Variants in PCDHGB4 observed in about 807,000 individuals in gnomAD.
The protein encoded by PCDHGB4 is protocadherin gamma subfamily B, 4, also known as protocadherin gamma-B4.
In PCDHGB4, 38 loss-of-function variants were observed where a neutral mutation model predicts 60.5. The ratio of observed to expected loss-of-function variants is 0.63; its 90% CI spans 0.48 to 0.82. The LOEUF (loss-of-function observed/expected upper bound fraction) is 0.82, where lower values mean the gene tolerates loss of function less well. PCDHGB4 is among the 40% of genes least tolerant of loss of function. The pLI, the probability that PCDHGB4 is intolerant of heterozygous loss-of-function variation, is 0.00. For synonymous variants in PCDHGB4, 456 were observed against 509.7 expected (o/e 0.89, Z 1.42); for missense variants, 1,109 against 1,209.6 (o/e 0.92, Z 1.23).
At position 141,431,897 on chromosome 5, in the gene PCDHGB4, G is replaced by C. The variant is rs1591112104; in HGVS notation, c.2397+41616G>C. 6.2e-7 allele frequency: 1 copy of C among 1,613,830 alleles called. No homozygotes were observed. The highest frequency in any genetic ancestry group is 8.5e-7 in the Non-Finnish European group (1 of 1,179,704). ...AAATGACCAAGATTCTGAGGAAAAC[G>C]GACAGGTGATCTGTTTCATCCAAGG... On this transcript the variant is annotated intron_variant, in intron 1 of 3. Coordinates refer to ENST00000519479, the MANE Select transcript of PCDHGB4 (RefSeq NM_003736.4). The surrounding 1 kb of genome is among the most constrained non-coding windows in gnomAD (Gnocchi z 4.8).
chr5:141,419,259 C>G, intron 1 of PCDHGB4: 4 of 1,614,016 alleles, frequency 2.5e-6, no homozygotes, highest in Non-Finnish European at 2.5e-6. Context: ...AACAACCAGC[C>G]GGGTGCCTCC....
chr5:141,420,840 TC>T (rs1453160032), intron 1 of PCDHGB4, among the ~76,000 whole-genome samples: 1 of 152,250 alleles, frequency 6.6e-6, no homozygotes, highest in Admixed American at 6.5e-5. Flanking sequence ...TCGCAGGTGT[TC>T]TTGGTAAAGT....
chr5:141,388,619 C>T lies in PCDHGB4; in HGVS notation c.735C>T (p.Asp245=), dbSNP rs369637121. 1.9e-6 allele frequency: 3 copies of T among 1,613,852 alleles called. No individual in the cohort carries two copies. Among genetic ancestry groups the T allele is most frequent in the Non-Finnish European group, 2.5e-6 (3 of 1,179,874 alleles). The part of the protein sequence containing the change: ...ANDNAPVFSQ[D]VYRVSLSENV... ...ATAATGCTCCAGTGTTCAGTCAAGACGTATACAGGGTGAGCCTTTCAGAAA... is the reference window on the plus strand; with the variant it reads ...ATAATGCTCCAGTGTTCAGTCAAGATGTATACAGGGTGAGCCTTTCAGAAA... Residue 245 remains aspartate (D), a synonymous_variant, in exon 1 of 4, where the codon GAC becomes GAT. Transcript: ENST00000519479.
At chr5:141,484,317 T>C (rs939085863) in intron 1 of PCDHGB4, among the ~76,000 whole-genome samples, 1 of 152,220 alleles carries the variant, frequency 6.6e-6, no homozygotes, top group Non-Finnish European at 1.5e-5. Context: ...CCCGCTTCCA[T>C]ACTGTCCTTG....
Position 141,491,274 on chromosome 5 carries a change from T to C in PCDHGB4, c.2398-3533T>C, listed in dbSNP as rs2099710140. On this transcript the variant is annotated intron_variant, in intron 1 of 3. Transcript: ENST00000519479. The surrounding 1 kb of genome is among the most constrained non-coding windows in gnomAD (Gnocchi z 6.9). ...ACCCTGAGGAAATGCCCAAATCCAG[T>C]GACTTCCTCATACACCCTCCTGAGC... The C allele has an allele frequency of 6.2e-7, 1 of 1,614,102 alleles. No individual in the cohort carries two copies. Among genetic ancestry groups the C allele is most frequent in the Non-Finnish European group, 8.5e-7 (1 of 1,179,914 alleles).
At chr5:141,437,529 C>T (rs1205365959) in intron 1 of PCDHGB4, among the ~76,000 whole-genome samples, 1 of 152,102 alleles carries the variant, frequency 6.6e-6, no homozygotes, top group African/African-American at 2.4e-5. Flanking sequence ...GACAAATGAG[C>T]AAATTGTATC....
chr5:141,445,134 A>G lies in PCDHGB4; in HGVS notation c.2398-49673A>G, dbSNP rs900226020. ...TTGTAAATAGTATTTTTAAAATTGT[A>G]TCTTCTAATTGTTCATTTCTAGTTT... On this transcript the variant is annotated intron_variant, in intron 1 of 3. Transcript: ENST00000519479. Among the ~76,000 whole-genome samples, 174 of 152,316 alleles carry G rather than the reference A, an allele frequency of 1.1e-3. 4 individuals carry two copies. The highest frequency in any genetic ancestry group is 5.3e-4 in the Non-Finnish European group (36 of 68,016).
chr5:141,491,390 T>G lies in PCDHGB4; in HGVS notation c.2398-3417T>G. 1 of 1,614,130 alleles carries G rather than the reference T, an allele frequency of 6.2e-7. No individual in the cohort carries two copies. Among genetic ancestry groups the G allele is most frequent in the Admixed American group, 1.7e-5 (1 of 60,028 alleles). ...TTCACCTTTCTGTCAGCGAAGTGCC[T>G]TCAGGGAAACGCAGACGGGGACGGG... On this transcript the variant is annotated intron_variant, in intron 1 of 3. Transcript: ENST00000519479. The surrounding 1 kb of genome is among the most constrained non-coding windows in gnomAD (Gnocchi z 6.9).
chr5:141,505,557 A>C (rs2099846692), intron 3 of PCDHGB4, 76 bp downstream of exon 3: 1 of 1,606,080 alleles, frequency 6.2e-7, no homozygotes, highest in Non-Finnish European at 8.5e-7. Flanking sequence ...CACCATGCCC[A>C]CGGACTGGAT....
chr5:141,495,109 C>A (rs1445945970), intron 2 of PCDHGB4, among the ~76,000 whole-genome samples: 3 of 152,278 alleles, frequency 2.0e-5, no homozygotes, highest in South Asian at 2.1e-4. Context: ...CGACCGGCAC[C>A]TTTTCCTATC....
chr5:141,422,243 T>C, intron 1 of PCDHGB4: 12 of 1,566,082 alleles, frequency 7.7e-6, no homozygotes, highest in Non-Finnish European at 1.0e-5. Flanking sequence ...ATCACTGTTG[T>C]GGATGTGAAT....
chr5:141,427,199 A>G (rs900332017), intron 1 of PCDHGB4: 5 of 456,766 alleles, frequency 1.1e-5, no homozygotes, highest in Non-Finnish European at 2.2e-5. Context: ...AAGACTTAAT[A>G]GACTTCGAAT....
At position 141,403,568 on chromosome 5, in the gene PCDHGB4, ACTGCCCACCAC is replaced by A. The variant is rs758329896; in HGVS notation, c.2397+13291_2397+13301del. On this transcript the variant is annotated intron_variant, in intron 1 of 3. Coordinates refer to ENST00000519479, the MANE Select transcript of PCDHGB4 (RefSeq NM_003736.4). The stretch of plus-strand genomic sequence containing the variant: ...GCGCGCCCTGGACAGGGAGGAGGCA[ACTGCCCACCAC>A]CTGGTCCTCACGGCCTCGGATGGCG... The A allele has an allele frequency of 2.5e-6, 4 of 1,613,918 alleles. No individual in the cohort carries two copies. In the South Asian group the frequency reaches 4.4e-5, roughly 18 times the overall value.
chr5:141,393,874 G>C, intron 1 of PCDHGB4: 1 of 1,613,944 alleles, frequency 6.2e-7, no homozygotes. Context: ...TCTTTGTTTA[G>C]CCCAGTGTTA....
chr5:141,470,671 C>T (rs2099236433), intron 1 of PCDHGB4, among the ~76,000 whole-genome samples: 1 of 152,064 alleles, frequency 6.6e-6, no homozygotes, highest in African/African-American at 2.4e-5. Context: ...TAGGGCTCTG[C>T]TGTTACCATC....
At position 141,490,406 on chromosome 5, in the gene PCDHGB4, T is replaced by G; in HGVS notation, c.2398-4401T>G. On this transcript the variant is annotated intron_variant, in intron 1 of 3. Transcript: ENST00000519479. This position sits in a 1 kb window ranked among gnomAD's most constrained non-coding sequence, Gnocchi z 5.4. ...AGAAATGGTGAAGTGAGCCTTGATA[T>G]CTCTCCGGACCTGCCATTTCAGATT... is the stretch of plus-strand genomic sequence containing the variant. The G allele has an allele frequency of 1.9e-6, 3 of 1,614,112 alleles. No individual in the cohort carries two copies. Among genetic ancestry groups the G allele is most frequent in the Non-Finnish European group, 2.5e-6 (3 of 1,180,020 alleles).
intron 1 of PCDHGB4, among the ~76,000 whole-genome samples, chr5:141,436,424 T>C (rs2154557109): frequency 6.6e-6 from 1 of 152,322 alleles, no homozygotes; most frequent in Middle Eastern, 3.4e-3. Context: ...AAACAAATAA[T>C]GTACTCTGGG....
At chr5:141,399,722 A>G in intron 1 of PCDHGB4, 4 of 1,613,264 alleles carry the variant, frequency 2.5e-6, no homozygotes, top group Non-Finnish European at 3.4e-6. Context: ...CAGGCCCGCG[A>G]CCAGGGCTCG....
intron 1 of PCDHGB4, among the ~76,000 whole-genome samples, chr5:141,450,750 G>C (rs778218781): frequency 1.1e-4 from 16 of 152,002 alleles, no homozygotes; most frequent in Admixed American, 2.0e-4. Context: ...GCCTCCCAAA[G>C]TGCCGGGATT....
Sources: gnomAD v4.1 joint callset for allele counts (sites outside exome capture counted in the v4.1 genomes callset) on GRCh38, gnomAD v4.1.1 for gene constraint, Gnocchi (gnomAD v3.1) non-coding constraint, MANE v1.5 for transcripts, NCBI Gene and HGNC (gene_info 2026-07-23, HGNC 2026-07-21) for gene names.